Variants in BBOF1 observed in about 807,000 individuals in gnomAD.
BBOF1 encodes the protein basal body orientation factor 1.
Under a neutral mutation model 68.0 loss-of-function variants are expected in BBOF1, and 62 were observed. That is an observed-to-expected ratio of 0.91 (90% CI 0.74 to 1.13). The LOEUF is 1.13. Ranked by LOEUF, BBOF1 falls within the 50% of genes most tolerant of loss-of-function variation. The pLI, the probability that BBOF1 is intolerant of heterozygous loss-of-function variation, is 0.00. For synonymous variants in BBOF1, 208 were observed against 198.8 expected (o/e 1.05, Z -0.39); for missense variants, 534 against 600.1 (o/e 0.89, Z 1.15).
intron 11 of BBOF1, chr14:74,058,039 C>G: frequency 2.0e-6 from 1 of 490,156 alleles, no homozygotes; most frequent in Non-Finnish European, 2.7e-6. Flanking sequence ...TTAAATATCA[C>G]TACCAGGGCC....
At chr14:74,032,081 C>T (rs2059582600) in intron 3 of BBOF1, among the ~76,000 whole-genome samples, 1 of 151,042 alleles carries the variant, frequency 6.6e-6, no homozygotes, top group African/African-American at 2.4e-5. Context: ...TGCCTGTTTC[C>T]TCACAGCTTT....
Position 74,049,714 on chromosome 14 carries a change from C to A in BBOF1, c.805C>A (p.Leu269Met). 2 of 1,600,218 alleles carry A rather than the reference C, an allele frequency of 1.2e-6. No individual in the cohort carries two copies. Among genetic ancestry groups the A allele is most frequent in the East Asian group, 2.2e-5 (1 of 44,734 alleles). Residue 269 changes from leucine to methionine, a missense_variant, in exon 8 of 12, where the codon CTG becomes ATG. Leu to Met is a conservative substitution (Grantham distance 15). Coordinates refer to ENST00000394009, the MANE Select transcript of BBOF1 (RefSeq NM_025057.3). ...TTTCTGTTTTTAGGAGATCAATGATCTGTTGGTTAAGGAAAAGATTATGCA... is the reference window on the plus strand; with the variant it reads ...TTTCTGTTTTTAGGAGATCAATGATATGTTGGTTAAGGAAAAGATTATGCA... ...LLLHQKEIND[L>M]LVKEKIMQLV...
chr14:74,070,959 C>T, downstream of BBOF1: 1 of 552,562 alleles, frequency 1.8e-6, no homozygotes, highest in Non-Finnish European at 3.2e-6. Flanking sequence ...TGTGTCTAGC[C>T]CTAATCCATA....
At chr14:74,027,977 T>C (rs1433129011) in intron 2 of BBOF1, among the ~76,000 whole-genome samples, 2 of 152,122 alleles carry the variant, frequency 1.3e-5, no homozygotes, top group Admixed American at 1.3e-4. Flanking sequence ...AATTTAAATA[T>C]AGAGTATATA....
intron 9 of BBOF1, among the ~76,000 whole-genome samples, chr14:74,076,623 A>G (rs1377482480): frequency 6.6e-6 from 1 of 151,306 alleles, no homozygotes; most frequent in African/African-American, 2.4e-5. Context: ...TGCAACCTCC[A>G]CCTCCTGGGT....
chr14:74,071,419 A>G (rs776630885), intron 9 of BBOF1: 2 of 1,614,204 alleles, frequency 1.2e-6, no homozygotes, highest in Non-Finnish European at 1.7e-6. Flanking sequence ...GTAGGAATAA[A>G]GGTCCATGTC....
intron 11 of BBOF1, chr14:74,057,691 A>T: frequency 7.9e-7 from 1 of 1,272,374 alleles, no homozygotes; most frequent in Non-Finnish European, 1.0e-6. Flanking sequence ...TTAATTTATA[A>T]TTTGTTATTC....
At chr14:74,032,117 G>T (rs1040405032) in intron 3 of BBOF1, among the ~76,000 whole-genome samples, 122 of 128,266 alleles carry the variant, frequency 9.5e-4, no homozygotes, top group African/African-American at 3.0e-3. Context: ...TCTCAAAGTT[G>T]ATTTTTTTTT....
intron 5 of BBOF1, chr14:74,040,924 G>T (rs528778419): frequency 2.4e-6 from 1 of 411,398 alleles, no homozygotes; most frequent in East Asian, 3.7e-5. Context: ...CTAAAGCTAT[G>T]TGTACTCCCA....
chr14:74,066,949 C>G (rs971290041), downstream of BBOF1: 31 of 1,503,314 alleles, frequency 2.1e-5, no homozygotes, highest in Non-Finnish European at 2.6e-5. Flanking sequence ...GCTGCCAGGG[C>G]TCATGCCTGT....
At chr14:74,043,968 G>A (rs1156802038) in intron 5 of BBOF1, among the ~76,000 whole-genome samples, 2 of 152,006 alleles carry the variant, frequency 1.3e-5, no homozygotes, top group Admixed American at 6.6e-5. Context: ...AAATGAGGCT[G>A]GGCACGGTGG....
chr14:74,074,254 G>A (rs1305833257), intron 9 of BBOF1, among the ~76,000 whole-genome samples: 1 of 145,728 alleles, frequency 6.9e-6, no homozygotes, highest in Non-Finnish European at 1.5e-5. Flanking sequence ...TGGGATTACA[G>A]GGGTGAGCCA....
chr14:74,024,169 G>A (rs1043217463), intron 2 of BBOF1, among the ~76,000 whole-genome samples: 1 of 151,892 alleles, frequency 6.6e-6, no homozygotes, highest in Non-Finnish European at 1.5e-5. Flanking sequence ...GTTAAAAGTG[G>A]AAATTCAGGC....
At chr14:74,071,322 C>T (rs1317145665) in intron 9 of BBOF1, 5 of 1,614,168 alleles carry the variant, frequency 3.1e-6, no homozygotes, top group Non-Finnish European at 4.2e-6. Flanking sequence ...TATTTCCACA[C>T]ACCATGGCCA....
chr14:74,060,494 C>T (rs768684027), intron 11 of BBOF1: 2 of 706,502 alleles, frequency 2.8e-6, no homozygotes, highest in South Asian at 1.5e-5. Context: ...CCTATAGAAA[C>T]TTTGCGGGGG....
At chr14:74,027,173 A>C (rs2059450465) in intron 2 of BBOF1, among the ~76,000 whole-genome samples, 1 of 148,446 alleles carries the variant, frequency 6.7e-6, no homozygotes, top group African/African-American at 2.5e-5. Context: ...TGCAACCTCA[A>C]AGGATCACTG....
Position 74,019,439 on chromosome 14 carries a change from G to A in BBOF1, c.-40G>A. 1 of 1,584,594 alleles carries A rather than the reference G, an allele frequency of 6.3e-7. No individual in the cohort carries two copies. Among genetic ancestry groups the A allele is most frequent in the Non-Finnish European group, 8.6e-7 (1 of 1,166,096 alleles). Reference sequence around the variant, plus strand: ...GACAGAGCTGGCCAGGGCGGCCGCGGCTGGGCAACTACGACAGCGGAGCCC... The same window carrying A: ...GACAGAGCTGGCCAGGGCGGCCGCGACTGGGCAACTACGACAGCGGAGCCC... On this transcript the variant is annotated 5_prime_UTR_variant, in exon 1 of 12. Coordinates refer to ENST00000394009, the MANE Select transcript of BBOF1 (RefSeq NM_025057.3).
chr14:74,068,805 T>C (rs1190880683), downstream of BBOF1: 14 of 1,599,900 alleles, frequency 8.8e-6, no homozygotes, highest in Non-Finnish European at 1.2e-5. Context: ...GGTCTGTTCC[T>C]AGGTAATTTT....
intron 9 of BBOF1, chr14:74,071,451 C>G (rs764348544): frequency 1.2e-6 from 2 of 1,614,018 alleles, no homozygotes; most frequent in African/African-American, 2.7e-5. Flanking sequence ...ATGGCATGGT[C>G]TCTCCCATCA....
Sources: allele counts gnomAD v4.1 joint callset (sites outside exome capture counted in the v4.1 genomes callset), GRCh38; gene constraint gnomAD v4.1.1; transcripts MANE v1.5; gene names NCBI Gene and HGNC (gene_info 2026-07-23, HGNC 2026-07-21).